Variants in ZNF521 observed in about 807,000 individuals in gnomAD.
ZNF521 encodes LYST-interacting protein 3.
ZNF521 carries 14 observed loss-of-function variants against 105.5 expected under a neutral mutation model. That is an observed-to-expected ratio of 0.13 (90% CI 0.09 to 0.21). The LOEUF (loss-of-function observed/expected upper bound fraction) is 0.21. Ranked by LOEUF, ZNF521 falls within the 10% of genes least tolerant of loss-of-function variation. The pLI, the probability that ZNF521 is intolerant of heterozygous loss-of-function variation, is 1.00. For missense variants in ZNF521, 1,233 were observed against 1,629.7 expected, an observed-to-expected ratio of 0.76 and a Z score of 4.19; for synonymous variants, 635 against 606.0, an observed-to-expected ratio of 1.05 and a Z score of -0.70.
chr18:25,319,494 G>C (rs1236005657), intron 3 of ZNF521, among the ~76,000 whole-genome samples: 2 of 151,974 alleles, frequency 1.3e-5, no homozygotes, highest in Admixed American at 1.3e-4. Context: ...TACTTGGGAG[G>C]CTAAGGCAGG....
chr18:25,299,179 T>G (rs1380618244), intron 3 of ZNF521, among the ~76,000 whole-genome samples: 1 of 152,232 alleles, frequency 6.6e-6, no homozygotes, highest in African/African-American at 2.4e-5. Flanking sequence ...TTTCCTTTGC[T>G]TAACATATAC....
intron 5 of ZNF521, among the ~76,000 whole-genome samples, chr18:25,115,585 T>C (rs927749906): frequency 2.0e-5 from 3 of 152,180 alleles, no homozygotes; most frequent in African/African-American, 7.2e-5. Flanking sequence ...AAAAGTAACA[T>C]GCATGTTTAG....
At chr18:25,158,771 C>T (rs1285289961) in intron 5 of ZNF521, among the ~76,000 whole-genome samples, 2 of 151,948 alleles carry the variant, frequency 1.3e-5, no homozygotes, top group Admixed American at 6.6e-5. Flanking sequence ...GCCTGGCCAA[C>T]GTGGTGAAAC....
intron 2 of ZNF521, chr18:25,327,809 C>T (rs527914516): frequency 5.1e-6 from 2 of 395,224 alleles, no homozygotes; most frequent in Admixed American, 6.1e-5. Flanking sequence ...GTCCCGCACT[C>T]GCCTGCTGGT....
chr18:25,291,774 T>C (rs934700173), intron 3 of ZNF521, among the ~76,000 whole-genome samples: 7 of 152,110 alleles, frequency 4.6e-5, no homozygotes, highest in African/African-American at 1.7e-4. Flanking sequence ...CTACAAGTGG[T>C]ATTCCTATTT....
At chr18:25,141,927 G>A (rs1567980097) in intron 5 of ZNF521, among the ~76,000 whole-genome samples, 7 of 152,052 alleles carry the variant, frequency 4.6e-5, no homozygotes, top group Admixed American at 2.0e-4. Context: ...TTGCTCATTT[G>A]CGCCTGTCTG....
intron 5 of ZNF521, among the ~76,000 whole-genome samples, chr18:25,117,081 ACATACACAC>A (rs1567968923): frequency 6.4e-4 from 6 of 9,382 alleles, no homozygotes; most frequent in Non-Finnish European, 1.6e-3. Flanking sequence ...ACACACACAC[ACATACACAC>A]ATCCTTAATT....
chr18:25,279,948 C>T (rs568287365), intron 3 of ZNF521, among the ~76,000 whole-genome samples: 21 of 152,284 alleles, frequency 1.4e-4, no homozygotes, highest in African/African-American at 4.8e-4. Flanking sequence ...TAGCATTTTA[C>T]AGCATAATGT....
At chr18:25,339,640 C>A (rs1754326749) in intron 2 of ZNF521, among the ~76,000 whole-genome samples, 1 of 152,102 alleles carries the variant, frequency 6.6e-6, no homozygotes, top group Non-Finnish European at 1.5e-5. Context: ...AATCAACTGG[C>A]TGAATTAATG....
At position 25,175,673 on chromosome 18, in the gene ZNF521, T is replaced by C. The variant is rs150441357; in HGVS notation, c.3658+19487A>G. Among the ~76,000 whole-genome samples, 434 of 152,334 alleles carry C rather than the reference T, an allele frequency of 2.8e-3. 1 individual carries two copies. The highest frequency in any genetic ancestry group is 0.017 in the Middle Eastern group (5 of 294). On this transcript the variant is annotated intron_variant, in intron 5 of 7. Transcript: ENST00000361524. ...GGACTTGTTCACATGTCACTTTTAA[T>C]AGACTACAAATTCTTTGATTTAAGT...
intron 3 of ZNF521, among the ~76,000 whole-genome samples, chr18:25,246,389 A>C (rs1007664430): frequency 2.0e-5 from 3 of 152,230 alleles, no homozygotes; most frequent in Non-Finnish European, 4.4e-5. Context: ...TAACACCACA[A>C]TCAATTGTAG....
intron 3 of ZNF521, among the ~76,000 whole-genome samples, chr18:25,312,633 A>C: frequency 9.7e-6 from 1 of 103,056 alleles, no homozygotes; most frequent in Non-Finnish European, 2.1e-5. Context: ...TAACAAGGTG[A>C]AACCCCGTCT....
intron 3 of ZNF521, among the ~76,000 whole-genome samples, chr18:25,263,138 C>T (rs893670797): frequency 3.3e-5 from 5 of 152,128 alleles, no homozygotes; most frequent in African/African-American, 1.2e-4. Flanking sequence ...TTAATCAAAA[C>T]CAAGGTCAGA....
intron 3 of ZNF521, among the ~76,000 whole-genome samples, chr18:25,286,022 G>A (rs1910690736): frequency 6.6e-6 from 1 of 152,196 alleles, no homozygotes; most frequent in Admixed American, 6.5e-5. Context: ...TAACCCAGCA[G>A]CTCCAAAAGT....
At chr18:25,113,761 G>GACAC (rs10667710) in intron 5 of ZNF521, among the ~76,000 whole-genome samples, 6,802 of 101,774 alleles carry the variant, frequency 0.067, 336 homozygotes, top group East Asian at 0.25. Context: ...AGGACGGACG[G>GACAC]ACACACACAC....
chr18:25,180,574 T>C (rs1002554426), intron 5 of ZNF521, among the ~76,000 whole-genome samples: 1 of 151,946 alleles, frequency 6.6e-6, no homozygotes. Flanking sequence ...GCATCTATCA[T>C]AAGTGCAGAG....
intron 7 of ZNF521, 96 bp from the exon 8 acceptor site, chr18:25,062,837 A>T (rs1293368145): frequency 8.6e-7 from 1 of 1,164,846 alleles, no homozygotes; most frequent in Non-Finnish European, 1.2e-6. Context: ...CAGACCAAGC[A>T]TATATACATG....
At chr18:25,180,996 G>A (rs951002878) in intron 5 of ZNF521, among the ~76,000 whole-genome samples, 9 of 152,044 alleles carry the variant, frequency 5.9e-5, no homozygotes, top group Admixed American at 1.3e-4. Context: ...ATTTCAGCAG[G>A]TTTACTCCAG....
chr18:25,216,899 C>T (rs935842278), intron 4 of ZNF521, among the ~76,000 whole-genome samples: 2 of 152,130 alleles, frequency 1.3e-5, no homozygotes, highest in Admixed American at 6.5e-5. Context: ...TCCTAAAGGG[C>T]AGACCACCTT....
Sources: gnomAD v4.1 joint callset for allele counts (sites outside exome capture counted in the v4.1 genomes callset) on GRCh38, gnomAD v4.1.1 for gene constraint, MANE v1.5 for transcripts, NCBI Gene and HGNC (gene_info 2026-07-23, HGNC 2026-07-21) for gene names.